Variants in CHRM1 observed in about 807,000 individuals in gnomAD.
CHRM1 encodes the protein muscarinic acetylcholine receptor M1.
A neutral mutation model predicts 31.6 loss-of-function variants in CHRM1; 5 were observed. That is an observed-to-expected ratio of 0.16 (90% CI 0.08 to 0.33). CHRM1 has a LOEUF of 0.33. Ranked by LOEUF, CHRM1 falls within the 10% of genes least tolerant of loss-of-function variation. CHRM1 has a pLI of 1.00. For missense variants in CHRM1, 338 were observed against 610.3 expected (o/e 0.55, Z 4.70); for synonymous variants, 227 against 249.7 (o/e 0.91, Z 0.86).
intron 1 of CHRM1, among the ~76,000 whole-genome samples, chr11:62,913,671 CAAA>C (rs35385223): frequency 1.3e-4 from 11 of 83,398 alleles, no homozygotes; most frequent in Admixed American, 1.3e-4. Context: ...AACTCTGTCT[CAAA>C]AAAAAAAAAA....
rs754938308 is a variant in CHRM1 at position 62,910,174 on chromosome 11, G to A, written c.927C>T (p.Pro309=). 45 of 1,602,504 alleles carry A rather than the reference G, an allele frequency of 2.8e-5. No individual in the cohort carries two copies. In the Middle Eastern group the frequency reaches 6.7e-4, roughly 24 times the overall value. Residue 309 remains proline (P), a synonymous_variant, in exon 2 of 2, where the codon CCC becomes CCT. Coordinates refer to ENST00000306960, the MANE Select transcript of CHRM1 (RefSeq NM_000738.3). The surrounding 1 kb of genome is among the most constrained non-coding windows in gnomAD (Gnocchi z 8.7). ...EVVIKMPMVD[P]EAQAPTKQPP... is the part of the protein sequence containing the mutation. Reference sequence around the variant, plus strand: ...GCTGCTTGGTGGGGGCCTGTGCCTCGGGGTCCACCATTGGCATCTTGATCA... The same window carrying A: ...GCTGCTTGGTGGGGGCCTGTGCCTCAGGGTCCACCATTGGCATCTTGATCA...
chr11:62,911,753 G>A (rs531183947), intron 1 of CHRM1, among the ~76,000 whole-genome samples: 14 of 152,112 alleles, frequency 9.2e-5, no homozygotes, highest in Non-Finnish European at 1.3e-4. Context: ...ATAAGAACCC[G>A]CAAGAACAGA....
chr11:62,911,076 C>G lies in CHRM1; in HGVS notation c.25G>C (p.Val9Leu). The G allele has an allele frequency of 1.2e-6, 2 of 1,614,062 alleles. No individual in the cohort carries two copies. Among genetic ancestry groups the G allele is most frequent in the Non-Finnish European group, 8.5e-7 (1 of 1,179,990 alleles). The stretch of plus-strand genomic sequence containing the variant: ...GCCAGGACGGTGATGTTGGGGCTGA[C>G]AGCAGGTGGGGCTGAAGTGTTCATG... MNTSAPPA[V>L]SPNITVLAPG... Residue 9 changes from valine (V) to leucine (L), a missense_variant, in exon 2 of 2, where the codon GTC (valine) becomes CTC (leucine). Val to Leu is a conservative substitution (Grantham distance 32). Coordinates refer to ENST00000306960, the MANE Select transcript of CHRM1 (RefSeq NM_000738.3).
At position 62,909,812 on chromosome 11, in the gene CHRM1, C is replaced by A; in HGVS notation, c.1289G>T (p.Arg430Leu). 1.9e-6 allele frequency: 3 copies of A among 1,614,238 alleles called. No homozygotes were observed. The highest frequency in any genetic ancestry group is 2.5e-6 in the Non-Finnish European group (3 of 1,180,044). The change falls in exon 2 of 2, where the codon CGC becomes CTC. Residue 430 changes from arginine to leucine, a missense_variant. Transcript: ENST00000306960. The stretch of plus-strand genomic sequence containing the variant: ...GTCCCAGCGGCAAAGCAGCAGCAGG[C>A]GAAAGGTGTCCCGGAAGGCTTTGTT... ...LCNKAFRDTF[R>L]LLLLCRWDKR...
chr11:62,913,548 G>A (rs1222029860), intron 1 of CHRM1, among the ~76,000 whole-genome samples: 1 of 152,072 alleles, frequency 6.6e-6, no homozygotes, highest in Admixed American at 6.5e-5. Flanking sequence ...GTACATGGCT[G>A]TAACCCTAGC....
At chr11:62,920,392 G>A (rs1368637750) in intron 1 of CHRM1, among the ~76,000 whole-genome samples, 1 of 152,234 alleles carries the variant, frequency 6.6e-6, no homozygotes, top group Non-Finnish European at 1.5e-5. Flanking sequence ...AAGCATCAGA[G>A]TTCCTGGCCC....
intron 1 of CHRM1, among the ~76,000 whole-genome samples, chr11:62,918,620 C>T (rs142744432): frequency 1.4e-4 from 21 of 152,328 alleles, no homozygotes; most frequent in Admixed American, 3.3e-4. Flanking sequence ...AGTGAGGTGC[C>T]AGGACAGACA....
intron 1 of CHRM1, among the ~76,000 whole-genome samples, chr11:62,911,531 C>A (rs747016898): frequency 1.6e-4 from 25 of 152,338 alleles, no homozygotes; most frequent in Middle Eastern, 3.4e-3. Flanking sequence ...CTGCCAAATT[C>A]TCAAAGCATT....
chr11:62,911,861 G>A (rs1458286690), intron 1 of CHRM1, among the ~76,000 whole-genome samples: 1 of 152,190 alleles, frequency 6.6e-6, no homozygotes, highest in Non-Finnish European at 1.5e-5. Context: ...AAGGAGAGAT[G>A]GGAAGAAAGG....
In CHRM1 at chr11:62,910,058, T is replaced by G; in HGVS notation, c.1043A>C (p.Gln348Pro). 2.5e-6 allele frequency: 4 copies of G among 1,613,556 alleles called. No homozygotes were observed. The highest frequency in any genetic ancestry group is 2.5e-6 in the Non-Finnish European group (3 of 1,179,956). ...GKGQKPRGKE[Q>P]LAKRKTFSLV... The stretch of plus-strand genomic sequence containing the variant: ...CGAGAAGGTCTTCCGCTTGGCCAGC[T>G]GCTCCTTTCCACGGGGCTTCTGGCC... The change falls in exon 2 of 2, where the codon CAG (glutamine) becomes CCG (proline). Residue 348 changes from glutamine to proline, a missense_variant. Around this residue, in one of 4 missense-constraint regions of CHRM1, gnomAD observed 183 missense variants for 223.4 expected, o/e 0.82. Transcript: ENST00000306960. The surrounding 1 kb of genome is among the most constrained non-coding windows in gnomAD (Gnocchi z 8.7).
rs1310308613 is a variant in CHRM1 at position 62,909,324 on chromosome 11, TCA to T, written c.*392_*393del. On this transcript the variant is annotated 3_prime_UTR_variant, in exon 2 of 2. Transcript: ENST00000306960. Reference sequence around the variant, plus strand: ...GCTGTGCCCCCCAGGGGGCACCATCTCACACCGCAATCTGGGCCGCTGCTGGG... The same window carrying T: ...GCTGTGCCCCCCAGGGGGCACCATCTCACCGCAATCTGGGCCGCTGCTGGG... 2 of 196,718 alleles carry T rather than the reference TCA, an allele frequency of 1.0e-5. No homozygotes were observed. Among genetic ancestry groups the T allele is most frequent in the African/African-American group, 4.7e-5 (2 of 42,512 alleles). The allele number at this position is 196,718 out of a possible 1,614,324, so 12.2% of individuals were successfully genotyped here. A position where few individuals can be genotyped will look rare whatever the true frequency, so the allele number is the denominator to read the frequency against.
rs541704156 is a variant in CHRM1, at chr11:62,911,842, T to TC, written c.-78-665dup. On this transcript the variant is annotated intron_variant, in intron 1 of 1. Transcript: ENST00000306960. ...GTATGTGGTGCTCCAGTGGGATTCT[T>TC]CCACTAATAAGGAGAGATGGGAAGA... 9.3e-4 allele frequency among the ~76,000 whole-genome samples: 141 copies of TC among 152,230 alleles called. 1 individual carries two copies. Among genetic ancestry groups the TC allele is most frequent in the African/African-American group, 3.3e-3 (139 of 41,522 alleles).
At chr11:62,915,082 G>A (rs2085893431) in intron 1 of CHRM1, among the ~76,000 whole-genome samples, 1 of 149,972 alleles carries the variant, frequency 6.7e-6, no homozygotes, top group African/African-American at 2.5e-5. Flanking sequence ...GGCTGAGGCA[G>A]GAGGATCACT....
chr11:62,915,306 A>C (rs2085894941), intron 1 of CHRM1, among the ~76,000 whole-genome samples: 1 of 152,126 alleles, frequency 6.6e-6, no homozygotes, highest in South Asian at 2.1e-4. Flanking sequence ...CTTAGTCTTC[A>C]AGAAAATATT....
chr11:62,915,167 C>G (rs1334464841), intron 1 of CHRM1, among the ~76,000 whole-genome samples: 1 of 124,768 alleles, frequency 8.0e-6, no homozygotes, highest in Non-Finnish European at 1.6e-5. Context: ...AGAGTGAGAC[C>G]CTGTCTCAAA....
chr11:62,919,775 G>A (rs572949931), intron 1 of CHRM1, among the ~76,000 whole-genome samples: 3 of 152,320 alleles, frequency 2.0e-5, no homozygotes, highest in East Asian at 3.9e-4. Context: ...AGGCGGCAGC[G>A]CAGTGTTGTG....
Position 62,910,191 on chromosome 11 carries a change from T to G in CHRM1, c.910A>C (p.Met304Leu). 2 of 1,603,450 alleles carry G rather than the reference T, an allele frequency of 1.2e-6. No homozygotes were observed. The highest frequency in any genetic ancestry group is 1.7e-6 in the Non-Finnish European group (2 of 1,175,032). Residue 304 changes from methionine (M) to leucine (L), a missense_variant, in exon 2 of 2, where the codon ATG becomes CTG. Met to Leu is a conservative substitution (Grantham distance 15). This residue lies in a region of CHRM1 where 183 missense variants were observed against 223.4 expected (regional missense o/e 0.82). Coordinates refer to ENST00000306960, the MANE Select transcript of CHRM1 (RefSeq NM_000738.3). The surrounding 1 kb of genome is among the most constrained non-coding windows in gnomAD (Gnocchi z 8.7). ...EEPGSEVVIK[M>L]PMVDPEAQAP... ...TGTGCCTCGGGGTCCACCATTGGCA[T>G]CTTGATCACCACTTCGGAGCCAGGC... is the stretch of plus-strand genomic sequence containing the variant.
At chr11:62,917,253 AG>A (rs1304880458) in intron 1 of CHRM1, among the ~76,000 whole-genome samples, 2 of 152,290 alleles carry the variant, frequency 1.3e-5, no homozygotes, top group East Asian at 3.9e-4. Context: ...CCCTAGGCTG[AG>A]GATTAGGGTA....
At chr11:62,915,299 A>G (rs973734365) in intron 1 of CHRM1, among the ~76,000 whole-genome samples, 1 of 151,816 alleles carries the variant, frequency 6.6e-6, no homozygotes, top group Non-Finnish European at 1.5e-5. Flanking sequence ...CCCAAAACTT[A>G]GTCTTCAAGA....
Sources: allele counts gnomAD v4.1 joint callset (sites outside exome capture counted in the v4.1 genomes callset), GRCh38; gene constraint gnomAD v4.1.1; regional missense constraint gnomAD v4.1.1; non-coding constraint Gnocchi (gnomAD v3.1); transcripts MANE v1.5; gene names NCBI Gene and HGNC (gene_info 2026-07-23, HGNC 2026-07-21).